Variants in ANKRD44 observed in about 807,000 individuals in gnomAD.
ANKRD44 encodes serine/threonine-protein phosphatase 6 regulatory ankyrin repeat subunit B.
In ANKRD44, 35 loss-of-function variants were observed where a neutral mutation model predicts 116.0. The observed-to-expected ratio is 0.30, with a 90% CI of 0.23 to 0.40. ANKRD44 has a LOEUF of 0.40. Among genes scored for constraint, ANKRD44 ranks in the 10% least tolerant of loss-of-function variants. ANKRD44 has a pLI of 1.00. For missense variants in ANKRD44, 1,014 were observed against 1,242.6 expected, an observed-to-expected ratio of 0.82 and a Z score of 2.77; for synonymous variants, 435 against 461.8, an observed-to-expected ratio of 0.94 and a Z score of 0.74.
At chr2:197,249,483 CA>C (rs2082270673) in intron 1 of ANKRD44, among the ~76,000 whole-genome samples, 1 of 152,040 alleles carries the variant, frequency 6.6e-6, no homozygotes, top group Non-Finnish European at 1.5e-5. Flanking sequence ...CACTGGGAAG[CA>C]AAAAGTTTTT....
intron 1 of ANKRD44, among the ~76,000 whole-genome samples, chr2:197,260,524 A>G (rs2082573240): frequency 6.6e-6 from 1 of 152,054 alleles, no homozygotes; most frequent in Admixed American, 6.6e-5. Flanking sequence ...GCTATTGTGA[A>G]TAGTGCCGCT....
In ANKRD44 at chr2:197,231,431, T is replaced by TA. The variant is rs199618286; in HGVS notation, c.28-44326dup. 1.3e-3 allele frequency among the ~76,000 whole-genome samples: 195 copies of TA among 147,462 alleles called. 2 individuals are homozygous for TA. The highest frequency in any genetic ancestry group is 3.5e-3 in the Middle Eastern group (1 of 288). On this transcript the variant is annotated intron_variant, in intron 1 of 27. Transcript: ENST00000282272. The stretch of plus-strand genomic sequence containing the variant: ...GCAACAGAGTGAGTCCTTAACTCTT[T>TA]AAAAAAAAAAATTGAGCTAAGGCTG...
At chr2:197,055,242 G>A (rs1559025431) in intron 16 of ANKRD44, among the ~76,000 whole-genome samples, 3 of 152,154 alleles carry the variant, frequency 2.0e-5, no homozygotes, top group South Asian at 2.1e-4. Context: ...ACATCCTCTT[G>A]TGAAGTGCCT....
At chr2:197,284,533 CACACACACAT>C (rs771771166) in intron 1 of ANKRD44, among the ~76,000 whole-genome samples, 1,677 of 125,074 alleles carry the variant, frequency 0.013, 16 homozygotes, top group Admixed American at 0.031. Flanking sequence ...CACACACACA[CACACACACAT>C]AATTTGTGTG....
intron 2 of ANKRD44, among the ~76,000 whole-genome samples, chr2:197,179,081 A>G (rs2080440451): frequency 6.6e-6 from 1 of 152,162 alleles, no homozygotes; most frequent in Non-Finnish European, 1.5e-5. Context: ...TTAAAAAAAA[A>G]ATGCATCCTT....
intron 16 of ANKRD44, among the ~76,000 whole-genome samples, chr2:197,058,865 A>G (rs909800496): frequency 4.6e-5 from 7 of 152,224 alleles, no homozygotes; most frequent in African/African-American, 1.7e-4. Flanking sequence ...ACCCTATAAA[A>G]TACTCCAGAA....
At chr2:196,998,715 G>A (rs914614585) in intron 24 of ANKRD44, among the ~76,000 whole-genome samples, 192 bp downstream of exon 24, 8 of 152,164 alleles carry the variant, frequency 5.3e-5, no homozygotes, top group African/African-American at 1.9e-4. Flanking sequence ...TTAGCTCTTT[G>A]ACAAGGTCCA....
intron 13 of ANKRD44, among the ~76,000 whole-genome samples, chr2:197,085,085 G>A (rs997832458): frequency 6.6e-6 from 1 of 152,222 alleles, no homozygotes; most frequent in Non-Finnish European, 1.5e-5. Context: ...AGTTTTTCTG[G>A]TATGACCAGC....
rs953647484 is a variant in ANKRD44 at position 196,988,422 on chromosome 2, C to T, written c.*1169G>A. ...GGACAGAAGGTGGGAAGCACAACAC[C>T]AAGAATTCAAAAAAACAATGGTGGT... On this transcript the variant is annotated 3_prime_UTR_variant, in exon 28 of 28. Coordinates refer to ENST00000282272, the MANE Select transcript of ANKRD44 (RefSeq NM_001195144.2). 2 of 985,272 alleles carry T rather than the reference C, an allele frequency of 2.0e-6. No homozygotes were observed. The highest frequency in any genetic ancestry group is 1.2e-4 in the Admixed American group (2 of 16,274). 61.0% of individuals were successfully genotyped at this position (985,272 alleles called of 1,614,324 possible).
At chr2:197,035,053 T>C (rs983219582) in intron 16 of ANKRD44, among the ~76,000 whole-genome samples, 1 of 152,210 alleles carries the variant, frequency 6.6e-6, no homozygotes, top group Non-Finnish European at 1.5e-5. Context: ...ATTTCAATGC[T>C]TTGGATTTAA....
intron 1 of ANKRD44, among the ~76,000 whole-genome samples, chr2:197,274,550 G>A (rs573211362): frequency 1.1e-3 from 169 of 152,244 alleles, no homozygotes; most frequent in African/African-American, 3.8e-3. Context: ...AGCAGGACAC[G>A]GTGACTGCAC....
At chr2:197,159,106 C>A (rs184730762) in intron 2 of ANKRD44, among the ~76,000 whole-genome samples, 2 of 152,316 alleles carry the variant, frequency 1.3e-5, no homozygotes, top group African/African-American at 4.8e-5. Flanking sequence ...ATAACAATAA[C>A]TCCTAGCTAT....
intron 1 of ANKRD44, among the ~76,000 whole-genome samples, chr2:197,236,732 T>C (rs1186296500): frequency 1.5e-5 from 2 of 134,766 alleles, no homozygotes; most frequent in East Asian, 4.3e-4. Context: ...AAAAAAAGAA[T>C]AAAAGAAAGG....
At chr2:197,254,320 G>A (rs904460804) in intron 1 of ANKRD44, among the ~76,000 whole-genome samples, 4 of 152,030 alleles carry the variant, frequency 2.6e-5, no homozygotes, top group Non-Finnish European at 4.4e-5. Flanking sequence ...GGAGGCGGAG[G>A]CTGCAGTGAG....
At chr2:197,176,526 A>G (rs1010523325) in intron 2 of ANKRD44, among the ~76,000 whole-genome samples, 7 of 152,186 alleles carry the variant, frequency 4.6e-5, no homozygotes, top group African/African-American at 1.7e-4. Flanking sequence ...TTTTGGTGTG[A>G]CTGATATGGA....
At chr2:197,055,345 T>C (rs1196041462) in intron 16 of ANKRD44, among the ~76,000 whole-genome samples, 1 of 152,202 alleles carries the variant, frequency 6.6e-6, no homozygotes, top group Non-Finnish European at 1.5e-5. Flanking sequence ...GAGTTCTTCA[T>C]ATATTCTGGA....
At chr2:197,190,157 T>C (rs539020103) in intron 1 of ANKRD44, among the ~76,000 whole-genome samples, 1 of 152,292 alleles carries the variant, frequency 6.6e-6, no homozygotes, top group Admixed American at 6.5e-5. Context: ...TGAAGTCACA[T>C]ATATGCATAC....
At chr2:196,983,521 G>A (rs1022942942), downstream of ANKRD44, among the ~76,000 whole-genome samples, 1 of 152,148 alleles carries the variant, frequency 6.6e-6, no homozygotes, top group African/African-American at 2.4e-5. Context: ...GTTAGGATCT[G>A]AGTTTAAATG....
rs13384814 is a variant in ANKRD44, at chr2:197,274,008, T to A, written c.27+36570A>T. 1.1e-3 allele frequency among the ~76,000 whole-genome samples: 71 copies of A among 64,196 alleles called. 5 individuals are homozygous for A. Among genetic ancestry groups the A allele is most frequent in the South Asian group, 1.7e-3 (3 of 1,730 alleles). The allele number at this position is 64,196 out of a possible 152,430, so 42.1% of individuals were successfully genotyped here. On this transcript the variant is annotated intron_variant, in intron 1 of 27. Transcript: ENST00000282272. ...ATATATATATATATATATATATATA[T>A]ATATATATATATATATATATGAATC... is the stretch of plus-strand genomic sequence containing the variant.
Sources: allele counts gnomAD v4.1 joint callset (sites outside exome capture counted in the v4.1 genomes callset), GRCh38; gene constraint gnomAD v4.1.1; transcripts MANE v1.5; gene names NCBI Gene and HGNC (gene_info 2026-07-23, HGNC 2026-07-21).